The following SNX10 variants were observed in gnomAD, a reference collection of about 807,000 sequenced individuals.
SNX10 encodes sorting nexin 10.
In SNX10, 25 loss-of-function variants were observed where a neutral mutation model predicts 28.5. The ratio of observed to expected loss-of-function variants is 0.88; its 90% CI spans 0.64 to 1.22. The LOEUF (loss-of-function observed/expected upper bound fraction) is 1.22, where lower values mean the gene tolerates loss of function less well. Among genes scored for constraint, SNX10 ranks in the 50% most tolerant of loss-of-function variants. The probability of loss-of-function intolerance (pLI) is 0.00; values close to 1 mark genes in which losing one functional copy is unlikely to be tolerated. For missense variants in SNX10, 223 were observed against 242.6 expected, an observed-to-expected ratio of 0.92 and a Z score of 0.54; for synonymous variants, 62 against 81.4, an observed-to-expected ratio of 0.76 and a Z score of 1.28.
chr7:26,336,444 C>T (rs1043124611), intron 1 of SNX10, among the ~76,000 whole-genome samples: 4 of 152,080 alleles, frequency 2.6e-5, no homozygotes, highest in Non-Finnish European at 5.9e-5. Context: ...TGGCTCACGC[C>T]TGTAATCCCT....
chr7:26,367,926 T>A (rs1260522061), intron 5 of SNX10, among the ~76,000 whole-genome samples: 1 of 152,234 alleles, frequency 6.6e-6, no homozygotes, highest in Non-Finnish European at 1.5e-5. Flanking sequence ...TTTGAAGTTA[T>A]GAACCAGAAG....
At chr7:26,333,721 T>C (rs961559083) in intron 1 of SNX10, among the ~76,000 whole-genome samples, 1 of 152,030 alleles carries the variant, frequency 6.6e-6, no homozygotes, top group Non-Finnish European at 1.5e-5. Context: ...GTGAGTAGAA[T>C]TGAAAAAATG....
At chr7:26,362,538 C>T (rs1194489604) in intron 3 of SNX10, among the ~76,000 whole-genome samples, 1 of 152,182 alleles carries the variant, frequency 6.6e-6, no homozygotes, top group African/African-American at 2.4e-5. Flanking sequence ...AATGGATAAG[C>T]CTTGGCTTGG....
intron 2 of SNX10, among the ~76,000 whole-genome samples, chr7:26,347,310 T>G (rs1788427700): frequency 6.6e-6 from 1 of 152,242 alleles, no homozygotes; most frequent in South Asian, 2.1e-4. Flanking sequence ...CCAGCCTTGC[T>G]TGCATCCCTT....
At chr7:26,353,463 T>G (rs12113583) in intron 2 of SNX10, among the ~76,000 whole-genome samples, 63,089 of 105,518 alleles carry the variant, frequency 0.6, 19,990 homozygotes, top group South Asian at 0.79. Context: ...TTTTTTTTGG[T>G]GGGGAGACAG....
At chr7:26,360,934 C>G (rs955291609) in intron 2 of SNX10, 41 bp from the exon 3 acceptor site, 3 of 1,607,618 alleles carry the variant, frequency 1.9e-6, no homozygotes, top group Non-Finnish European at 2.5e-6. Flanking sequence ...GTCCTACTTG[C>G]AGTTCTGAAG....
rs35809560 is a variant in SNX10 at position 26,306,071 on chromosome 7, A to ATT, written c.-24+13997_-24+13998dup. 5.8e-3 allele frequency among the ~76,000 whole-genome samples: 832 copies of ATT among 142,248 alleles called. 4 individuals carry two copies. The highest frequency in any genetic ancestry group is 8.9e-3 in the Non-Finnish European group (576 of 64,820). 93.3% of individuals were successfully genotyped at this position (142,248 alleles called of 152,430 possible). On this transcript the variant is annotated intron_variant, in intron 1 of 6. Transcript: ENST00000338523. ...CACCACACCTGGCTAAATTTTTTGT[A>ATT]TTTTTTTTTTTTTGTAGAGACGGGT...
At chr7:26,351,973 A>G (rs1788626472) in intron 2 of SNX10, among the ~76,000 whole-genome samples, 1 of 152,106 alleles carries the variant, frequency 6.6e-6, no homozygotes, top group South Asian at 2.1e-4. Context: ...TTAATGAAGT[A>G]TGGACTTCAG....
chr7:26,301,594 A>G (rs1024244417), intron 1 of SNX10, among the ~76,000 whole-genome samples: 2 of 152,196 alleles, frequency 1.3e-5, no homozygotes, highest in African/African-American at 4.8e-5. Context: ...ACATGCTTCC[A>G]GGAACATTTT....
intron 1 of SNX10, among the ~76,000 whole-genome samples, chr7:26,336,656 G>A (rs1787957367): frequency 6.6e-6 from 1 of 152,210 alleles, no homozygotes; most frequent in Non-Finnish European, 1.5e-5. Context: ...AGTGAGCTGA[G>A]ATTGTGCCAC....
At chr7:26,303,534 C>G (rs754037804) in intron 1 of SNX10, among the ~76,000 whole-genome samples, 1 of 152,152 alleles carries the variant, frequency 6.6e-6, no homozygotes, top group Non-Finnish European at 1.5e-5. Flanking sequence ...TTCATCATGC[C>G]GAACTCCTCA....
intron 1 of SNX10, among the ~76,000 whole-genome samples, chr7:26,304,320 T>C (rs1786494217): frequency 6.6e-6 from 1 of 152,246 alleles, no homozygotes; most frequent in South Asian, 2.1e-4. Context: ...TGCTTGATTC[T>C]CCAATTCAGT....
chr7:26,323,054 C>A (rs1787367556), intron 1 of SNX10, among the ~76,000 whole-genome samples: 1 of 151,972 alleles, frequency 6.6e-6, no homozygotes, highest in Non-Finnish European at 1.5e-5. Flanking sequence ...TCAAGACTAG[C>A]CTGGGCAACA....
intron 1 of SNX10, among the ~76,000 whole-genome samples, chr7:26,318,195 C>T (rs770275229): frequency 3.9e-5 from 6 of 152,112 alleles, no homozygotes; most frequent in African/African-American, 7.2e-5. Context: ...TACCAATAGC[C>T]GTACACTATT....
At chr7:26,353,041 C>A (rs1056437244) in intron 2 of SNX10, among the ~76,000 whole-genome samples, 1 of 151,950 alleles carries the variant, frequency 6.6e-6, no homozygotes, top group East Asian at 1.9e-4. Context: ...AAAGGTAACT[C>A]GCTGATTTGG....
chr7:26,297,104 T>TTCG (rs1786141328), intron 1 of SNX10, among the ~76,000 whole-genome samples: 5 of 152,066 alleles, frequency 3.3e-5, no homozygotes, highest in Admixed American at 6.5e-5. Context: ...TAAAGAGCTT[T>TTCG]TTGTTGTTTT....
intron 2 of SNX10, 100 bp downstream of exon 2, chr7:26,346,566 G>T: frequency 1.1e-6 from 1 of 928,168 alleles, no homozygotes; most frequent in East Asian, 2.4e-5. Flanking sequence ...TGCTTGAGGA[G>T]GTTTCATGAA....
At position 26,364,902 on chromosome 7, in the gene SNX10, A is replaced by G. The variant is rs1487094722; in HGVS notation, c.213-145A>G. On this transcript the variant is annotated intron_variant, in intron 4 of 6. Coordinates refer to ENST00000338523, the MANE Select transcript of SNX10 (RefSeq NM_013322.3). The surrounding 1 kb of genome is among the most constrained non-coding windows in gnomAD (Gnocchi z 4.9). ...GCTGACTTCCTGATACCCTTATTAT[A>G]TAACTATATAATGTATAATCATAAT... 4 of 599,404 alleles carry G rather than the reference A, an allele frequency of 6.7e-6. No individual in the cohort carries two copies. Among genetic ancestry groups the G allele is most frequent in the Middle Eastern group, 4.4e-4 (1 of 2,256 alleles). The allele number at this position is 599,404 out of a possible 1,614,324, so 37.1% of individuals were successfully genotyped here.
chr7:26,365,210 T>C, intron 5 of SNX10, 65 bp downstream of exon 5: 3 of 926,460 alleles, frequency 3.2e-6, no homozygotes, highest in South Asian at 1.3e-5. Context: ...AAGAGCTGCA[T>C]GGTGGTGTGG....
Sources: allele counts gnomAD v4.1 joint callset (sites outside exome capture counted in the v4.1 genomes callset), GRCh38; gene constraint gnomAD v4.1.1; non-coding constraint Gnocchi (gnomAD v3.1); transcripts MANE v1.5; gene names NCBI Gene and HGNC (gene_info 2026-07-23, HGNC 2026-07-21).